The following ADCY2 variants were observed in gnomAD, a reference collection of about 807,000 sequenced individuals.
ADCY2 encodes adenylate cyclase 2, also known as adenylate cyclase type 2.
Under a neutral mutation model 125.2 loss-of-function variants are expected in ADCY2, and 31 were observed. The ratio of observed to expected loss-of-function variants is 0.25; its 90% CI spans 0.19 to 0.33. The LOEUF (loss-of-function observed/expected upper bound fraction) is 0.33. Ranked by LOEUF, ADCY2 falls within the 10% of genes least tolerant of loss-of-function variation. The pLI is 1.00. For synonymous variants in ADCY2, 512 were observed against 548.4 expected, an observed-to-expected ratio of 0.93 and a Z score of 0.93; for missense variants, 904 against 1,418.2, an observed-to-expected ratio of 0.64 and a Z score of 5.82.
chr5:7,665,458 C>T (rs181054246), intron 4 of ADCY2, among the ~76,000 whole-genome samples: 2 of 152,174 alleles, frequency 1.3e-5, no homozygotes, highest in East Asian at 1.9e-4. Context: ...ACTGAGGCAT[C>T]GAAAGCAGAA....
intron 24 of ADCY2, among the ~76,000 whole-genome samples, chr5:7,821,683 G>A (rs764295028): frequency 7.9e-5 from 12 of 152,236 alleles, no homozygotes; most frequent in Non-Finnish European, 1.0e-4. Context: ...TGTGCTGGAG[G>A]ACTTCAGCTG....
intron 20 of ADCY2, among the ~76,000 whole-genome samples, chr5:7,791,411 A>G (rs1168735174): frequency 6.6e-6 from 1 of 152,154 alleles, no homozygotes; most frequent in Non-Finnish European, 1.5e-5. Flanking sequence ...AAGCCTTGGA[A>G]CAGTATTTTT....
rs79303521 is a variant in ADCY2, at chr5:7,689,643, T to C, written c.721-1048T>C. Among the ~76,000 whole-genome samples, 576 of 152,110 alleles carry C rather than the reference T, an allele frequency of 3.8e-3. 3 individuals are homozygous for C. Among genetic ancestry groups the C allele is most frequent in the African/African-American group, 0.013 (539 of 41,518 alleles). Reference sequence around the variant, plus strand: ...TGTGCACTAGGAGTAGACAAAGAGATAGACACCTGACCCTGTGAACCTGGA... The same window carrying C: ...TGTGCACTAGGAGTAGACAAAGAGACAGACACCTGACCCTGTGAACCTGGA... On this transcript the variant is annotated intron_variant, in intron 4 of 24. Transcript: ENST00000338316.
At chr5:7,557,182 T>TATGTGA (rs56204377) in intron 3 of ADCY2, among the ~76,000 whole-genome samples, 7 of 144,922 alleles carry the variant, frequency 4.8e-5, no homozygotes, top group African/African-American at 1.9e-4. Context: ...ATCACACATA[T>TATGTGA]TATATATGTG....
intron 2 of ADCY2, among the ~76,000 whole-genome samples, chr5:7,442,492 C>A (rs560819084): frequency 6.6e-6 from 1 of 152,142 alleles, no homozygotes; most frequent in African/African-American, 2.4e-5. Context: ...GGTGTGTGTT[C>A]CCCTGGTTGT....
intron 9 of ADCY2, chr5:7,708,173 G>A: frequency 5.5e-6 from 1 of 182,384 alleles, no homozygotes; most frequent in Non-Finnish European, 1.1e-5. Context: ...TGTCAGTTGG[G>A]AAATTAAATA....
intron 2 of ADCY2, among the ~76,000 whole-genome samples, chr5:7,445,228 A>T (rs1579450280): frequency 6.6e-6 from 1 of 152,248 alleles, no homozygotes; most frequent in East Asian, 1.9e-4. Context: ...TAGATTACTG[A>T]TTCATGGGGC....
intron 3 of ADCY2, among the ~76,000 whole-genome samples, chr5:7,609,012 T>G (rs1737482291): frequency 6.6e-6 from 1 of 152,202 alleles, no homozygotes; most frequent in South Asian, 2.1e-4. Flanking sequence ...CACATATTCT[T>G]TCTTTAGATG....
chr5:7,618,823 T>C (rs1737851879), intron 3 of ADCY2, among the ~76,000 whole-genome samples: 1 of 152,226 alleles, frequency 6.6e-6, no homozygotes, highest in Admixed American at 6.5e-5. Flanking sequence ...TATTGGTTGG[T>C]GCAGATCATT....
intron 2 of ADCY2, among the ~76,000 whole-genome samples, chr5:7,491,256 A>T (rs1561054766): frequency 6.8e-6 from 1 of 146,576 alleles, no homozygotes; most frequent in African/African-American, 2.5e-5. Context: ...ATTAAAAATG[A>T]TTTTTTTTTT....
At chr5:7,812,175 C>T (rs1428641586) in intron 22 of ADCY2, among the ~76,000 whole-genome samples, 2 of 152,126 alleles carry the variant, frequency 1.3e-5, no homozygotes, top group Non-Finnish European at 2.9e-5. Flanking sequence ...GTTCCCTTCA[C>T]TGGTAAGAAT....
At chr5:7,539,355 TAA>T (rs3033075) in intron 3 of ADCY2, among the ~76,000 whole-genome samples, 2,455 of 147,560 alleles carry the variant, frequency 0.017, 88 homozygotes, top group African/African-American at 0.058. Context: ...TGCATGGGAT[TAA>T]AAAAAAAAAA....
intron 1 of ADCY2, among the ~76,000 whole-genome samples, chr5:7,405,612 C>G (rs1561007083): frequency 6.6e-6 from 1 of 152,174 alleles, no homozygotes; most frequent in Non-Finnish European, 1.5e-5. Flanking sequence ...GCCCTACTGC[C>G]CAAGTCTTTG....
In ADCY2 at chr5:7,776,667, G is replaced by T. The variant is rs549195141; in HGVS notation, c.2384+3566G>T. Among the ~76,000 whole-genome samples, 6 of 152,238 alleles carry T rather than the reference G, an allele frequency of 3.9e-5. No individual in the cohort carries two copies. The South Asian group carries it at 1.2e-3, about 32-fold the overall frequency. The stretch of plus-strand genomic sequence containing the variant: ...GCCAGAGAAGACTGACATTTGAGTC[G>T]GTGGACTGGGAGAGGAAGACCCACC... On this transcript the variant is annotated intron_variant, in intron 18 of 24. Transcript: ENST00000338316.
chr5:7,566,384 T>C lies in ADCY2; in HGVS notation c.570+45485T>C, dbSNP rs10037854. Among the ~76,000 whole-genome samples the C allele has an allele frequency of 4.5e-3, 682 of 152,220 alleles. 2 individuals are homozygous for C. The highest frequency in any genetic ancestry group is 0.015 in the African/African-American group (635 of 41,540). On this transcript the variant is annotated intron_variant, in intron 3 of 24. Coordinates refer to ENST00000338316, the MANE Select transcript of ADCY2 (RefSeq NM_020546.3). ...GGTGATGCACATCTGCAGTCCCAGCTACTTGGGTGGCCAAGGTGGGAGGAT... is the reference window on the plus strand; with the variant it reads ...GGTGATGCACATCTGCAGTCCCAGCCACTTGGGTGGCCAAGGTGGGAGGAT...
chr5:7,590,598 C>G (rs1237810362), intron 3 of ADCY2, among the ~76,000 whole-genome samples: 1 of 151,764 alleles, frequency 6.6e-6, no homozygotes, highest in Non-Finnish European at 1.5e-5. Flanking sequence ...ACTTTTCTCT[C>G]TGTAGATACC....
intron 7 of ADCY2, 105 bp from the exon 8 acceptor site, chr5:7,706,639 G>A (rs1291598635): frequency 2.6e-5 from 36 of 1,367,446 alleles, no homozygotes; most frequent in Admixed American, 1.3e-4. Flanking sequence ...GGTCATTTCC[G>A]ACAGTTTGAA....
chr5:7,620,477 A>G (rs1737919157), intron 3 of ADCY2, among the ~76,000 whole-genome samples: 1 of 152,202 alleles, frequency 6.6e-6, no homozygotes, highest in Non-Finnish European at 1.5e-5. Flanking sequence ...AGATCACTGG[A>G]TGTCATTAAC....
chr5:7,812,956 G>T lies in ADCY2; in HGVS notation c.2884-3910G>T, dbSNP rs189714258. The stretch of plus-strand genomic sequence containing the variant: ...AGGGCGTTATTGTCCCATTTAACAG[G>T]TGAGGAAAACTGAGGCCCAGAGAAG... On this transcript the variant is annotated intron_variant, in intron 22 of 24. Coordinates refer to ENST00000338316, the MANE Select transcript of ADCY2 (RefSeq NM_020546.3). 3.9e-5 allele frequency among the ~76,000 whole-genome samples: 6 copies of T among 152,290 alleles called. No individual in the cohort carries two copies. The South Asian group carries it at 1.2e-3, about 32-fold the overall frequency.
Sources: gnomAD v4.1 joint callset for allele counts (sites outside exome capture counted in the v4.1 genomes callset) on GRCh38, gnomAD v4.1.1 for gene constraint, MANE v1.5 for transcripts, NCBI Gene and HGNC (gene_info 2026-07-23, HGNC 2026-07-21) for gene names.